Variants in STAU2 observed in about 807,000 individuals in gnomAD.
STAU2 encodes double-stranded RNA-binding protein Staufen homolog 2.
In STAU2, 20 loss-of-function variants were observed where a neutral mutation model predicts 65.9. The observed-to-expected ratio is 0.30, with a 90% CI of 0.21 to 0.44. The LOEUF (loss-of-function observed/expected upper bound fraction) is 0.44. STAU2 is among the 20% of genes least tolerant of loss of function. The pLI is 1.00. For synonymous variants in STAU2, 232 were observed against 233.9 expected (o/e 0.99, Z 0.07); for missense variants, 558 against 683.9 (o/e 0.82, Z 2.05).
chr8:73,724,413 CTTA>C (rs1805478171), intron 3 of STAU2, among the ~76,000 whole-genome samples: 2 of 152,010 alleles, frequency 1.3e-5, no homozygotes, highest in African/African-American at 4.8e-5. Context: ...GATGGTTCAC[CTTA>C]TGATTCAACT....
chr8:73,603,635 C>G, intron 10 of STAU2, 91 bp downstream of exon 10: 1 of 1,483,900 alleles, frequency 6.7e-7, no homozygotes, highest in Non-Finnish European at 9.0e-7. Context: ...TTACTTTCTG[C>G]TCTTAAGTCC....
chr8:73,716,542 C>G (rs1404383178), intron 3 of STAU2, among the ~76,000 whole-genome samples: 1 of 152,220 alleles, frequency 6.6e-6, no homozygotes, highest in East Asian at 1.9e-4. Context: ...GACAAAAACA[C>G]AGTGTGTCCT....
rs1427627551 is a variant in STAU2, at chr8:73,737,256, C to T, written c.-18+1028G>A. Among the ~76,000 whole-genome samples, 6 of 151,898 alleles carry T rather than the reference C, an allele frequency of 4.0e-5. No homozygotes were observed. The South Asian group carries it at 6.2e-4, about 16-fold the overall frequency. On this transcript the variant is annotated intron_variant, in intron 3 of 14. Coordinates refer to ENST00000524300, the MANE Select transcript of STAU2 (RefSeq NM_001164380.2). ...CACGATCTTGGCTCACCGCAACCTC[C>T]GCCTCCCGGGTTCAAGTGATTCTCC... is the stretch of plus-strand genomic sequence containing the variant.
At chr8:73,545,241 G>C (rs778991958) in intron 13 of STAU2, among the ~76,000 whole-genome samples, 9 of 152,152 alleles carry the variant, frequency 5.9e-5, no homozygotes, top group Non-Finnish European at 1.3e-4. Flanking sequence ...TGGTTCAAAT[G>C]TTCCATTTTA....
intron 13 of STAU2, chr8:73,550,868 G>T (rs776197458): frequency 2.0e-6 from 2 of 987,222 alleles, no homozygotes; most frequent in Non-Finnish European, 2.4e-6. Flanking sequence ...AAAAAAATCC[G>T]AACATGCAAA....
chr8:73,528,216 T>C (rs373111575), intron 13 of STAU2, among the ~76,000 whole-genome samples: 1 of 152,194 alleles, frequency 6.6e-6, no homozygotes, highest in Non-Finnish European at 1.5e-5. Context: ...TGCCACATAA[T>C]TGGTACTGAC....
In STAU2 at chr8:73,436,389, C is replaced by T. The variant is rs534548825; in HGVS notation, c.1531-13687G>A. ...ACGGAGCTAGAACAGACCTTTGCTC[C>T]GTCCCAAATTTCTCTCCTTAACCTC... On this transcript the variant is annotated intron_variant, in intron 13 of 14. Transcript: ENST00000524300. Among the ~76,000 whole-genome samples, 211 of 151,574 alleles carry T rather than the reference C, an allele frequency of 1.4e-3. 3 individuals are homozygous for T. Among genetic ancestry groups the T allele is most frequent in the African/African-American group, 4.8e-3 (198 of 41,044 alleles).
chr8:73,593,517 T>C lies in STAU2; in HGVS notation c.1161+1649A>G, dbSNP rs73328784. Among the ~76,000 whole-genome samples, 544 of 152,334 alleles carry C rather than the reference T, an allele frequency of 3.6e-3. 4 individuals carry two copies. The highest frequency in any genetic ancestry group is 0.011 in the African/African-American group (464 of 41,572). ...AGTGTCTGGCATTTAGTGAGTGTGA[T>C]GATTAACTTTACATGTCAACTTCTC... On this transcript the variant is annotated intron_variant, in intron 11 of 14. Coordinates refer to ENST00000524300, the MANE Select transcript of STAU2 (RefSeq NM_001164380.2).
chr8:73,710,477 A>G (rs1025182673), intron 3 of STAU2, among the ~76,000 whole-genome samples: 1 of 151,626 alleles, frequency 6.6e-6, no homozygotes, highest in African/African-American at 2.4e-5. Flanking sequence ...CAAGATCTCA[A>G]TGATTTTACT....
intron 9 of STAU2, among the ~76,000 whole-genome samples, chr8:73,606,617 G>T (rs942303038): frequency 3.9e-5 from 6 of 152,174 alleles, no homozygotes; most frequent in African/African-American, 1.4e-4. Flanking sequence ...AACAATTGGA[G>T]TTATCACACA....
intron 6 of STAU2, among the ~76,000 whole-genome samples, chr8:73,668,688 A>G (rs999232344): frequency 2.6e-5 from 4 of 152,212 alleles, no homozygotes; most frequent in African/African-American, 9.7e-5. Flanking sequence ...TGATAAAGAA[A>G]AATACATAAC....
chr8:73,662,832 T>A (rs1816934769), intron 6 of STAU2, among the ~76,000 whole-genome samples: 1 of 152,112 alleles, frequency 6.6e-6, no homozygotes, highest in South Asian at 2.1e-4. Flanking sequence ...GTCAGGCTGG[T>A]CTCGAACTCC....
intron 13 of STAU2, among the ~76,000 whole-genome samples, chr8:73,463,971 A>T: frequency 6.6e-6 from 1 of 152,186 alleles, no homozygotes; most frequent in East Asian, 1.9e-4. Context: ...ATACATCATA[A>T]TTCTTCTCAC....
At chr8:73,726,600 T>C (rs1226737204) in intron 3 of STAU2, among the ~76,000 whole-genome samples, 4 of 152,206 alleles carry the variant, frequency 2.6e-5, no homozygotes, top group African/African-American at 9.6e-5. Flanking sequence ...TCACTATTGT[T>C]ATCTATTCAA....
chr8:73,621,988 G>A (rs1351829458), intron 6 of STAU2, among the ~76,000 whole-genome samples: 1 of 137,582 alleles, frequency 7.3e-6, no homozygotes, highest in Non-Finnish European at 1.5e-5. Flanking sequence ...ACGAAGTCTC[G>A]CTCTGCTGCC....
intron 11 of STAU2, among the ~76,000 whole-genome samples, chr8:73,586,133 T>C (rs1227395994): frequency 6.6e-6 from 1 of 152,132 alleles, no homozygotes; most frequent in East Asian, 1.9e-4. Flanking sequence ...TAAGTCAAAG[T>C]CTGGAAAGTG....
chr8:73,546,463 T>G (rs1337424088), intron 13 of STAU2, among the ~76,000 whole-genome samples: 1 of 152,222 alleles, frequency 6.6e-6, no homozygotes, highest in Non-Finnish European at 1.5e-5. Context: ...ATAAAAGATT[T>G]GTAGGCAAAA....
chr8:73,435,032 CTCAGGAACACCTGGCAGATG>C (rs148731268), intron 13 of STAU2, among the ~76,000 whole-genome samples: 13,178 of 151,720 alleles, frequency 0.087, 1,775 homozygotes, highest in African/African-American at 0.27. Context: ...AGTCCCTAGC[CTCAGGAACACCTGGCAGATG>C]TCAGCGTTAT....
chr8:73,501,531 C>T (rs1451087839), intron 13 of STAU2, among the ~76,000 whole-genome samples: 1 of 151,862 alleles, frequency 6.6e-6, no homozygotes, highest in Non-Finnish European at 1.5e-5. Flanking sequence ...TATAAATCTT[C>T]CCCAGTATGT....
Sources: gnomAD v4.1 joint callset for allele counts (sites outside exome capture counted in the v4.1 genomes callset) on GRCh38, gnomAD v4.1.1 for gene constraint, MANE v1.5 for transcripts, NCBI Gene and HGNC (gene_info 2026-07-23, HGNC 2026-07-21) for gene names.